The following CCK variants were observed in gnomAD, a reference collection of about 807,000 sequenced individuals.
CCK encodes cholecystokinin triacontatriapeptide.
CCK carries 11 observed loss-of-function variants against 10.1 expected under a neutral mutation model. The observed-to-expected ratio is 1.09, with a 90% CI of 0.69 to 1.81. The LOEUF (loss-of-function observed/expected upper bound fraction) is 1.81, where lower values mean the gene tolerates loss of function less well. Ranked by LOEUF, CCK falls within the 40% of genes most tolerant of loss-of-function variation. CCK has a pLI of 0.00. For missense variants in CCK, 137 were observed against 159.9 expected (o/e 0.86, Z 0.77); for synonymous variants, 83 against 71.9 (o/e 1.15, Z -0.78).
rs1311200928 is a variant in CCK at position 42,263,448 on chromosome 3, C to G, written c.183G>C (p.Leu61=). 5.0e-6 allele frequency: 8 copies of G among 1,614,052 alleles called. No homozygotes were observed. The Admixed American group carries it at 1.3e-4, about 27-fold the overall frequency. Residue 61 remains leucine (L), a synonymous_variant, in exon 4 of 5, where the codon CTG becomes CTC. Coordinates refer to ENST00000396169, the MANE Select transcript of CCK (RefSeq NM_000729.6). ...GGGCCTGCTGGATGTATCTTGCCAG[C>G]AGGGCGCCCAGGTGCGCTCGGGACT... ...DGESRAHLGA[L]LARYIQQARK...
chr3:42,259,562 A>AG (rs11571868), intron 4 of CCK, among the ~76,000 whole-genome samples: 3 of 152,226 alleles, frequency 2.0e-5, no homozygotes, highest in East Asian at 3.9e-4. Context: ...GACTCAAAGA[A>AG]GGGGGGGAGA....
At chr3:42,265,100 G>A (rs1375893361) in intron 2 of CCK, 169 bp downstream of exon 2, 1 of 151,318 alleles carries the variant, frequency 6.6e-6, no homozygotes, top group Middle Eastern at 3.2e-3. Context: ...GGATGGAGAA[G>A]CTGCCGCTAG....
intron 3 of CCK, 143 bp from the exon 4 acceptor site, chr3:42,263,775 C>T: frequency 2.2e-6 from 3 of 1,370,442 alleles, no homozygotes; most frequent in Non-Finnish European, 2.9e-6. Context: ...GAGGGCTCGC[C>T]AAGCGCTGAC....
rs778324205 is a variant in CCK, at chr3:42,257,842, T to C, written c.*256A>G. 1.2e-5 allele frequency: 5 copies of C among 431,894 alleles called. No homozygotes were observed. The highest frequency in any genetic ancestry group is 1.6e-5 in the Non-Finnish European group (4 of 243,258). The allele number at this position is 431,894 out of a possible 1,614,324, so 26.8% of individuals were successfully genotyped here. A position where few individuals can be genotyped will look rare whatever the true frequency, so the allele number is the denominator to read the frequency against. ...ACGACAGGGCAGAATGAAATCACTT[T>C]AATAGCATAACAACATTTTCAGACC... is the stretch of plus-strand genomic sequence containing the variant. On this transcript the variant is annotated 3_prime_UTR_variant, in exon 5 of 5. Coordinates refer to ENST00000396169, the MANE Select transcript of CCK (RefSeq NM_000729.6).
chr3:42,262,313 C>T (rs561824988), intron 4 of CCK, among the ~76,000 whole-genome samples: 37 of 150,994 alleles, frequency 2.5e-4, no homozygotes, highest in Admixed American at 4.6e-4. Flanking sequence ...CTCCACCTCC[C>T]GAGTTCAAGC....
In CCK at chr3:42,265,421, G is replaced by C. The variant is rs1711273235; in HGVS notation, c.-366C>G. On this transcript the variant is annotated 5_prime_UTR_variant, in exon 2 of 5. Transcript: ENST00000396169. ...GCCACAGCTGGCTCTTGGTGTCCTGGGCCTCTCTTGACGCAGCTGTAAAAT... is the reference window on the plus strand; with the variant it reads ...GCCACAGCTGGCTCTTGGTGTCCTGCGCCTCTCTTGACGCAGCTGTAAAAT... The C allele has an allele frequency of 6.6e-6, 1 of 152,362 alleles. No individual in the cohort carries two copies. The highest frequency in any genetic ancestry group is 1.5e-5 in the Non-Finnish European group (1 of 68,194). The allele number at this position is 152,362 out of a possible 1,614,324, so 9.4% of individuals were successfully genotyped here. A position where few individuals can be genotyped will look rare whatever the true frequency, so the allele number is the denominator to read the frequency against.
Position 42,264,326 on chromosome 3 carries a change from A to C in CCK, c.-3+371T>G, listed in dbSNP as rs539517024. Among the ~76,000 whole-genome samples the C allele has an allele frequency of 1.2e-3, 179 of 152,334 alleles. 1 individual carries two copies. The highest frequency in any genetic ancestry group is 4.1e-3 in the African/African-American group (169 of 41,588). On this transcript the variant is annotated intron_variant, in intron 3 of 4. Coordinates refer to ENST00000396169, the MANE Select transcript of CCK (RefSeq NM_000729.6). ...CAAGTTTCTATCCGTAAAGCCTCGA[A>C]ATTTTCTGCAGTATTTAGAAAATGA...
At chr3:42,259,619 CA>C (rs1430882007) in intron 4 of CCK, among the ~76,000 whole-genome samples, 3 of 152,104 alleles carry the variant, frequency 2.0e-5, no homozygotes, top group Non-Finnish European at 4.4e-5. Context: ...GACCAAAATG[CA>C]ATAACTGAAC....
At chr3:42,258,353 T>C in intron 4 of CCK, 122 bp from the exon 5 acceptor site, 3 of 1,060,560 alleles carry the variant, frequency 2.8e-6, no homozygotes, top group Non-Finnish European at 4.1e-6. Context: ...CTTAAAGGTA[T>C]CAAAGAGCTA....
intron 4 of CCK, among the ~76,000 whole-genome samples, chr3:42,260,220 GAAGA>G (rs1711192593): frequency 6.6e-6 from 1 of 152,084 alleles, no homozygotes; most frequent in South Asian, 2.1e-4. Flanking sequence ...AGCCTACGTA[GAAGA>G]AAAATAGCCC....
chr3:42,263,246 T>C (rs1250835237), intron 4 of CCK, 171 bp downstream of exon 4: 4 of 975,052 alleles, frequency 4.1e-6, no homozygotes, highest in Non-Finnish European at 6.5e-6. Context: ...TACTTATAAA[T>C]TAAGTCCTCC....
intron 3 of CCK, among the ~76,000 whole-genome samples, chr3:42,264,350 G>T (rs1711258552): frequency 6.6e-6 from 1 of 152,180 alleles, no homozygotes; most frequent in Admixed American, 6.5e-5. Flanking sequence ...TTTAGAAAAT[G>T]AATTTAAATC....
chr3:42,263,502 C>G lies in CCK; in HGVS notation c.129G>C (p.Gln43His). The G allele has an allele frequency of 6.2e-7, 1 of 1,614,070 alleles. No homozygotes were observed. The highest frequency in any genetic ancestry group is 8.5e-7 in the Non-Finnish European group (1 of 1,179,988). The change falls in exon 4 of 5, where the codon CAG becomes CAC. Residue 43 changes from glutamine (Q) to histidine (H), a missense_variant. Coordinates refer to ENST00000396169, the MANE Select transcript of CCK (RefSeq NM_000729.6). ...LQRAEEAPRRQLRVSQRTDGE... is the reference protein window; with the variant it reads ...LQRAEEAPRRHLRVSQRTDGE... ...CATCCGTTCTCTGCGATACCCTCAG[C>G]TGCCTACGGGGCGCCTCCTCTGCCC... is the stretch of plus-strand genomic sequence containing the variant.
chr3:42,259,527 G>T (rs571224724), intron 4 of CCK, among the ~76,000 whole-genome samples: 1 of 151,944 alleles, frequency 6.6e-6, no homozygotes, highest in African/African-American at 2.4e-5. Flanking sequence ...AAAGACTGTC[G>T]GATTAAATCT....
chr3:42,259,481 T>C (rs946009795), intron 4 of CCK, among the ~76,000 whole-genome samples: 2 of 152,228 alleles, frequency 1.3e-5, no homozygotes, highest in Non-Finnish European at 1.5e-5. Flanking sequence ...TTATTTTTAA[T>C]GATAAATCAA....
chr3:42,261,050 A>G (rs968962154), intron 4 of CCK, among the ~76,000 whole-genome samples: 14 of 152,168 alleles, frequency 9.2e-5, no homozygotes, highest in African/African-American at 3.1e-4. Context: ...GAAAGACAAT[A>G]TAGATGTAGC....
At chr3:42,258,966 A>G (rs941586774) in intron 4 of CCK, among the ~76,000 whole-genome samples, 13 of 152,338 alleles carry the variant, frequency 8.5e-5, no homozygotes, top group African/African-American at 2.9e-4. Context: ...ATGCCCATCA[A>G]TGATAGACTG....
chr3:42,263,768 G>C, intron 3 of CCK, 136 bp from the exon 4 acceptor site: 1 of 1,391,736 alleles, frequency 7.2e-7, no homozygotes, highest in Admixed American at 3.0e-5. Flanking sequence ...CAAGCACGAG[G>C]GCTCGCCAAG....
At chr3:42,260,080 G>A (rs1365650486) in intron 4 of CCK, among the ~76,000 whole-genome samples, 1 of 152,160 alleles carries the variant, frequency 6.6e-6, no homozygotes, top group Non-Finnish European at 1.5e-5. Context: ...ATGAAATTAA[G>A]CAAGTTTAAT....
Sources: allele counts gnomAD v4.1 joint callset (sites outside exome capture counted in the v4.1 genomes callset), GRCh38; gene constraint gnomAD v4.1.1; transcripts MANE v1.5; gene names NCBI Gene and HGNC (gene_info 2026-07-23, HGNC 2026-07-21).